Variants in NAA11 observed in about 807,000 individuals in gnomAD.
NAA11 encodes the protein N-alpha-acetyltransferase 11, NatA catalytic subunit, also known as N-alpha-acetyltransferase 11.
A neutral mutation model predicts 16.1 loss-of-function variants in NAA11; 15 were observed. That is an observed-to-expected ratio of 0.93 (90% CI 0.62 to 1.44). The LOEUF (loss-of-function observed/expected upper bound fraction) is 1.44, where lower values mean the gene tolerates loss of function less well. Ranked by LOEUF, NAA11 falls within the 40% of genes most tolerant of loss-of-function variation. The probability of loss-of-function intolerance (pLI) is 0.00; values close to 1 mark genes in which losing one functional copy is unlikely to be tolerated. For synonymous variants in NAA11, 122 were observed against 112.4 expected (o/e 1.09, Z -0.54); for missense variants, 298 against 291.3 (o/e 1.02, Z -0.17).
In NAA11 at chr4:79,232,486, C is replaced by T. The variant is rs760003140; in HGVS notation, c.*123-6216G>A. Reference sequence around the variant, plus strand: ...TCAGAAGCACATAAAGCTTCATCCACATGTTAAAAACAATAGTTTGTTGGC... The same window carrying T: ...TCAGAAGCACATAAAGCTTCATCCATATGTTAAAAACAATAGTTTGTTGGC... On this transcript the variant is annotated intron_variant and NMD_transcript_variant, in intron 2 of 2. Transcript: ENST00000511542. Among the ~76,000 whole-genome samples, 55 of 152,036 alleles carry T rather than the reference C, an allele frequency of 3.6e-4. 1 individual carries two copies. Among genetic ancestry groups the T allele is most frequent in the Middle Eastern group, 6.8e-3 (2 of 294 alleles).
the NAA11 span, among the ~76,000 whole-genome samples, chr4:79,158,171 G>C: frequency 7.1e-6 from 1 of 141,558 alleles, no homozygotes; most frequent in Non-Finnish European, 1.6e-5. Context: ...AAAGTGCTGG[G>C]ATTACAGCCG....
At chr4:79,177,202 A>T in the NAA11 span, among the ~76,000 whole-genome samples, 7 of 151,994 alleles carry the variant, frequency 4.6e-5, no homozygotes, top group Non-Finnish European at 8.8e-5. Flanking sequence ...AAATAGAAAA[A>T]AAATTATCTT....
the NAA11 span, among the ~76,000 whole-genome samples, chr4:79,220,518 T>A: frequency 6.6e-6 from 1 of 151,996 alleles, no homozygotes; most frequent in African/African-American, 2.4e-5. Context: ...AGGATTTTCT[T>A]AACTTTTAAG....
intron 2 of NAA11, among the ~76,000 whole-genome samples, chr4:79,282,278 G>A (rs748700187): frequency 6.6e-6 from 1 of 152,084 alleles, no homozygotes; most frequent in African/African-American, 2.4e-5. Context: ...TGGATGACAG[G>A]CTTAGGGGTT....
At chr4:79,253,651 C>G (rs1560425713) in intron 2 of NAA11, among the ~76,000 whole-genome samples, 1 of 152,210 alleles carries the variant, frequency 6.6e-6, no homozygotes, top group East Asian at 1.9e-4. Context: ...ACTAGAAGTC[C>G]TACGACAGAA....
chr4:79,172,618 A>C, the NAA11 span, among the ~76,000 whole-genome samples: 1 of 152,084 alleles, frequency 6.6e-6, no homozygotes, highest in Non-Finnish European at 1.5e-5. Context: ...TCATGTACAC[A>C]AGGGGGTCTC....
chr4:79,247,225 G>C (rs1490087727), intron 2 of NAA11, among the ~76,000 whole-genome samples: 1 of 152,060 alleles, frequency 6.6e-6, no homozygotes, highest in Non-Finnish European at 1.5e-5. Context: ...AGGGGAGAGT[G>C]GTGTATTTAT....
chr4:79,301,265 C>G (rs547381822), intron 1 of NAA11, among the ~76,000 whole-genome samples: 18 of 152,232 alleles, frequency 1.2e-4, no homozygotes, highest in African/African-American at 4.3e-4. Flanking sequence ...TCCTCCCCTC[C>G]AAGTTTATTT....
the NAA11 span, among the ~76,000 whole-genome samples, chr4:79,215,731 C>T: frequency 2.6e-5 from 4 of 152,122 alleles, no homozygotes; most frequent in Admixed American, 6.6e-5. Context: ...GCTCATGTAG[C>T]TAGCATGACT....
the NAA11 span, among the ~76,000 whole-genome samples, chr4:79,174,363 G>T: frequency 6.6e-6 from 1 of 152,074 alleles, no homozygotes; most frequent in South Asian, 2.1e-4. Context: ...AAGTGAGAGG[G>T]GGGTGGGAAA....
chr4:79,164,848 G>A, the NAA11 span, among the ~76,000 whole-genome samples: 4 of 152,192 alleles, frequency 2.6e-5, no homozygotes, highest in South Asian at 2.1e-4. Flanking sequence ...ATGGCATCTC[G>A]TACCCAGGCT....
At chr4:79,291,700 G>A (rs946227074) in intron 2 of NAA11, among the ~76,000 whole-genome samples, 4 of 151,852 alleles carry the variant, frequency 2.6e-5, no homozygotes, top group African/African-American at 9.7e-5. Flanking sequence ...CTCCTGGGCA[G>A]CAAAAGTGAA....
At chr4:79,308,635 GAACT>G (rs1185678258) in intron 1 of NAA11, 1 of 152,074 alleles carries the variant, frequency 6.6e-6, no homozygotes, top group Non-Finnish European at 1.5e-5. Flanking sequence ...TTGAAATAAA[GAACT>G]AACATCATAA....
chr4:79,242,419 C>A (rs1238981242), intron 2 of NAA11, among the ~76,000 whole-genome samples: 1 of 152,230 alleles, frequency 6.6e-6, no homozygotes, highest in Non-Finnish European at 1.5e-5. Context: ...GATTACCCAG[C>A]AATTGTGAAT....
chr4:79,297,744 G>A (rs567941488), intron 1 of NAA11, among the ~76,000 whole-genome samples: 3 of 152,202 alleles, frequency 2.0e-5, no homozygotes, highest in South Asian at 2.1e-4. Flanking sequence ...GCAGCTCGGC[G>A]CTGGCCTGCA....
intron 2 of NAA11, among the ~76,000 whole-genome samples, chr4:79,290,628 C>G (rs544284707): frequency 2.6e-5 from 4 of 152,056 alleles, no homozygotes; most frequent in Non-Finnish European, 5.9e-5. Context: ...CAGGCATTGC[C>G]CAGGACTCCA....
chr4:79,183,996 C>G, the NAA11 span, among the ~76,000 whole-genome samples: 7 of 152,142 alleles, frequency 4.6e-5, no homozygotes, highest in African/African-American at 1.7e-4. Context: ...AACCAAAATG[C>G]TAGCTTTCCC....
the NAA11 span, among the ~76,000 whole-genome samples, chr4:79,163,340 A>G: frequency 6.6e-6 from 1 of 152,340 alleles, no homozygotes; most frequent in Non-Finnish European, 1.5e-5. Context: ...GTGAACTAGA[A>G]GAGATCATGT....
At chr4:79,226,150 A>T (rs1287741901) in exon 3 of NAA11, 1 of 152,060 alleles carries the variant, frequency 6.6e-6, no homozygotes, top group East Asian at 1.9e-4. Flanking sequence ...AGTGAATGCC[A>T]CATATTTCAA....
Sources: allele counts gnomAD v4.1 joint callset (sites outside exome capture counted in the v4.1 genomes callset), GRCh38; gene constraint gnomAD v4.1.1; transcripts MANE v1.5; gene names NCBI Gene and HGNC (gene_info 2026-07-23, HGNC 2026-07-21).